RGS7: variants seen among roughly 807,000 people sequenced by gnomAD.
RGS7 encodes regulator of G-protein signaling 7.
In RGS7, 27 loss-of-function variants were observed where a neutral mutation model predicts 81.1. The ratio of observed to expected loss-of-function variants is 0.33; its 90% CI spans 0.25 to 0.46. RGS7 has a LOEUF of 0.46. RGS7 is among the 20% of genes least tolerant of loss of function. The pLI, the probability that RGS7 is intolerant of heterozygous loss-of-function variation, is 1.00. For missense variants in RGS7, 396 were observed against 607.4 expected (o/e 0.65, Z 3.66); for synonymous variants, 208 against 207.7 (o/e 1.00, Z -0.01).
chr1:240,857,611 T>A (rs1661380217), intron 9 of RGS7, among the ~76,000 whole-genome samples: 1 of 152,188 alleles, frequency 6.6e-6, no homozygotes, highest in Non-Finnish European at 1.5e-5. Flanking sequence ...CACAATGTCA[T>A]AGAGTTGGAA....
chr1:240,890,744 G>C (rs992327377), intron 6 of RGS7, among the ~76,000 whole-genome samples: 1 of 152,140 alleles, frequency 6.6e-6, no homozygotes, highest in Non-Finnish European at 1.5e-5. Context: ...GGAAACTGAG[G>C]CACAGAGAGT....
At chr1:241,123,176 T>C (rs1406912759) in intron 2 of RGS7, among the ~76,000 whole-genome samples, 6 of 152,180 alleles carry the variant, frequency 3.9e-5, no homozygotes, top group Admixed American at 1.3e-4. Context: ...CCCAGGTCCT[T>C]AGCCTCAGCA....
chr1:241,105,127 T>A (rs2065019588), intron 2 of RGS7, among the ~76,000 whole-genome samples: 1 of 152,192 alleles, frequency 6.6e-6, no homozygotes, highest in Non-Finnish European at 1.5e-5. Flanking sequence ...TTCTGCTCTA[T>A]CTAATGCAGA....
intron 9 of RGS7, among the ~76,000 whole-genome samples, chr1:240,856,580 A>G (rs907975987): frequency 2.6e-5 from 4 of 152,154 alleles, no homozygotes; most frequent in Non-Finnish European, 5.9e-5. Context: ...AGAAAAATGT[A>G]TTCCACAGGA....
chr1:240,788,517 A>C (rs1268052839), intron 18 of RGS7, among the ~76,000 whole-genome samples: 1 of 152,218 alleles, frequency 6.6e-6, no homozygotes, highest in Non-Finnish European at 1.5e-5. Context: ...TTAAACATGA[A>C]AACACTTGAA....
intron 2 of RGS7, among the ~76,000 whole-genome samples, chr1:241,125,934 C>A (rs150483544): frequency 6.6e-6 from 1 of 152,054 alleles, no homozygotes; most frequent in Non-Finnish European, 1.5e-5. Context: ...ATCTCCAGTG[C>A]GCAGATGGAG....
At chr1:241,206,823 A>G (rs1390364720) in intron 2 of RGS7, among the ~76,000 whole-genome samples, 3 of 152,138 alleles carry the variant, frequency 2.0e-5, no homozygotes, top group Non-Finnish European at 4.4e-5. Flanking sequence ...GGAACACCCA[A>G]TTTAACCTAA....
chr1:241,355,214 T>C (rs2083481961), intron 2 of RGS7, among the ~76,000 whole-genome samples: 1 of 152,232 alleles, frequency 6.6e-6, no homozygotes, highest in Non-Finnish European at 1.5e-5. Flanking sequence ...AAGACTAGAA[T>C]TGTTTAGTCA....
intron 6 of RGS7, among the ~76,000 whole-genome samples, chr1:240,924,266 C>T (rs533995984): frequency 3.9e-5 from 6 of 152,248 alleles, no homozygotes; most frequent in Admixed American, 6.5e-5. Flanking sequence ...TGTATTGATT[C>T]TCAACATCCT....
In RGS7 at chr1:240,791,328, G is replaced by A. The variant is rs1357690766; in HGVS notation, c.*6+9313C>T. On this transcript the variant is annotated intron_variant, in intron 18 of 18. Coordinates refer to ENST00000440928, the MANE Select transcript of RGS7 (RefSeq NM_001364886.1). Reference sequence around the variant, plus strand: ...CCATCAAAATATGGTGCACAATGAAGAGGGCAGGAGATTTTGCCCAATCTG... The same window carrying A: ...CCATCAAAATATGGTGCACAATGAAAAGGGCAGGAGATTTTGCCCAATCTG... 2.0e-5 allele frequency among the ~76,000 whole-genome samples: 3 copies of A among 152,146 alleles called. No homozygotes were observed. The East Asian group carries it at 5.8e-4, about 29-fold the overall frequency.
At chr1:240,800,839 C>A in intron 17 of RGS7, 118 bp from the exon 18 acceptor site, 1 of 489,548 alleles carries the variant, frequency 2.0e-6, no homozygotes, top group Non-Finnish European at 3.6e-6. Context: ...ATCATCAAAA[C>A]ACATGGCAAG....
At chr1:241,195,739 G>A (rs1573076289) in intron 2 of RGS7, among the ~76,000 whole-genome samples, 2 of 151,300 alleles carry the variant, frequency 1.3e-5, no homozygotes, top group East Asian at 3.9e-4. Context: ...AGACATACAG[G>A]ACTATTGAAA....
intron 2 of RGS7, among the ~76,000 whole-genome samples, chr1:241,322,274 C>A (rs189134741): frequency 2.4e-4 from 37 of 152,290 alleles, no homozygotes; most frequent in African/African-American, 8.7e-4. Context: ...GTGTACAACA[C>A]CACACCTATA....
At chr1:241,064,318 G>C (rs528343231) in intron 3 of RGS7, among the ~76,000 whole-genome samples, 2 of 151,606 alleles carry the variant, frequency 1.3e-5, no homozygotes, top group African/African-American at 4.9e-5. Context: ...GGGTGTGGCA[G>C]CTCCCATCGG....
chr1:240,827,762 G>T (rs1693106938), intron 9 of RGS7, among the ~76,000 whole-genome samples: 1 of 150,952 alleles, frequency 6.6e-6, no homozygotes. Context: ...TACTTAGGAG[G>T]CTGAGGCAGG....
At chr1:241,346,384 C>T (rs1490293091) in intron 2 of RGS7, among the ~76,000 whole-genome samples, 1 of 42,056 alleles carries the variant, frequency 2.4e-5, no homozygotes, top group Non-Finnish European at 6.1e-5. Context: ...ATAGCTGCCC[C>T]ATACACAGCC....
chr1:240,868,460 G>T lies in RGS7; in HGVS notation c.609+127C>A. ...ACAAAAGTGGTGATCTTTTCTTAAT[G>T]AATTCACCAAGATACCATGGAGCGT... On this transcript the variant is annotated intron_variant, in intron 9 of 18. Coordinates refer to ENST00000440928, the MANE Select transcript of RGS7 (RefSeq NM_001364886.1). This position sits in a 1 kb window ranked among gnomAD's most constrained non-coding sequence, Gnocchi z 5.1. 2 of 794,716 alleles carry T rather than the reference G, an allele frequency of 2.5e-6. No homozygotes were observed. Among genetic ancestry groups the T allele is most frequent in the South Asian group, 1.4e-5 (1 of 72,612 alleles). 49.2% of individuals were successfully genotyped at this position (794,716 alleles called of 1,614,324 possible). A position where few individuals can be genotyped will look rare whatever the true frequency, so the allele number is the denominator to read the frequency against.
chr1:240,796,777 T>C (rs1398643826), intron 18 of RGS7, among the ~76,000 whole-genome samples: 1 of 152,010 alleles, frequency 6.6e-6, no homozygotes, highest in African/African-American at 2.4e-5. Flanking sequence ...TCTCACGGAG[T>C]CTCCACAACT....
At position 240,793,611 on chromosome 1, in the gene RGS7, A is replaced by ATT. The variant is rs1205854418; in HGVS notation, c.*6+7028_*6+7029dup. Among the ~76,000 whole-genome samples the ATT allele has an allele frequency of 2.4e-3, 191 of 78,784 alleles. 9 individuals carry two copies. Among genetic ancestry groups the ATT allele is most frequent in the African/African-American group, 0.011 (114 of 10,306 alleles). The allele number at this position is 78,784 out of a possible 152,430, so 51.7% of individuals were successfully genotyped here. A position where few individuals can be genotyped will look rare whatever the true frequency, so the allele number is the denominator to read the frequency against. On this transcript the variant is annotated intron_variant, in intron 18 of 18. Coordinates refer to ENST00000440928, the MANE Select transcript of RGS7 (RefSeq NM_001364886.1). ...AATATATATATATATATATATATAT[A>ATT]TTTTTTTTTTTTTTTTGAGACAGAG...
Sources: allele counts gnomAD v4.1 joint callset (sites outside exome capture counted in the v4.1 genomes callset), GRCh38; gene constraint gnomAD v4.1.1; non-coding constraint Gnocchi (gnomAD v3.1); transcripts MANE v1.5; gene names NCBI Gene and HGNC (gene_info 2026-07-23, HGNC 2026-07-21).